Variants in CRIPT observed in about 807,000 individuals in gnomAD.
The protein encoded by CRIPT is cysteine-rich PDZ-binding protein.
CRIPT carries 20 observed loss-of-function variants against 16.6 expected under a neutral mutation model. The observed-to-expected ratio is 1.20, with a 90% CI of 0.85 to 1.75. The LOEUF is 1.75. Ranked by LOEUF, CRIPT falls within the 40% of genes most tolerant of loss-of-function variation. The probability of loss-of-function intolerance (pLI) is 0.00; values close to 1 mark genes in which losing one functional copy is unlikely to be tolerated. For missense variants in CRIPT, 133 were observed against 115.3 expected (o/e 1.15, Z -0.70); for synonymous variants, 42 against 37.0 (o/e 1.14, Z -0.49).
In CRIPT at chr2:46,624,232, A is replaced by G; in HGVS notation, c.*5A>G. ...TACAAGCAAACATCTGTCTAGATGT[A>G]TTGATGGAATTTCTGGCTTTCTAAA... On this transcript the variant is annotated 3_prime_UTR_variant, in exon 5 of 5. Transcript: ENST00000238892. 1.3e-6 allele frequency: 2 copies of G among 1,540,432 alleles called. No homozygotes were observed. Among genetic ancestry groups the G allele is most frequent in the African/African-American group, 1.4e-5 (1 of 73,206 alleles).
At position 46,623,796 on chromosome 2, in the gene CRIPT, C is replaced by T; in HGVS notation, c.170C>T (p.Thr57Ile). 2.5e-6 allele frequency: 4 copies of T among 1,608,430 alleles called. No homozygotes were observed. Among genetic ancestry groups the T allele is most frequent in the Non-Finnish European group, 3.4e-6 (4 of 1,176,730 alleles). Reference sequence around the variant, plus strand: ...CCATATGGAAAGAATAAGTTCTCCACTTGTAGAATTTGTAAAAGTTCTGTG... The same window carrying T: ...CCATATGGAAAGAATAAGTTCTCCATTTGTAGAATTTGTAAAAGTTCTGTG... ...FDPYGKNKFS[T>I]CRICKSSVHQ... Residue 57 changes from threonine to isoleucine, a missense_variant, in exon 4 of 5, where the codon ACT becomes ATT. Coordinates refer to ENST00000238892, the MANE Select transcript of CRIPT (RefSeq NM_014171.6).
Position 46,624,154 on chromosome 2 carries a change from T to C in CRIPT, c.242-9T>C. Reference sequence around the variant, plus strand: ...GATTTGATTGATCACATATCTTCTTTTGTTTCAGGCATCTGTGCGATGTGT... The same window carrying C: ...GATTTGATTGATCACATATCTTCTTCTGTTTCAGGCATCTGTGCGATGTGT... On this transcript the variant is annotated splice_polypyrimidine_tract_variant and intron_variant, in intron 4 of 4. Transcript: ENST00000238892. 1 of 1,552,452 alleles carries C rather than the reference T, an allele frequency of 6.4e-7. No individual in the cohort carries two copies. Among genetic ancestry groups the C allele is most frequent in the Non-Finnish European group, 8.7e-7 (1 of 1,143,604 alleles).
chr2:46,619,714 A>G, intron 3 of CRIPT, 33 bp downstream of exon 3: 1 of 1,549,616 alleles, frequency 6.5e-7, no homozygotes, highest in Non-Finnish European at 8.8e-7. Context: ...GGGTCACATA[A>G]ATTTCCTTCT....
At position 46,629,871 on chromosome 2, in the gene CRIPT, T is replaced by C. The variant is rs935276177; in HGVS notation, c.*5644T>C. Among the ~76,000 whole-genome samples, 2 of 152,332 alleles carry C rather than the reference T, an allele frequency of 1.3e-5. No individual in the cohort carries two copies. The highest frequency in any genetic ancestry group is 2.4e-5 in the African/African-American group (1 of 41,576). On this transcript the variant is annotated 3_prime_UTR_variant, in exon 5 of 5. Coordinates refer to ENST00000238892, the MANE Select transcript of CRIPT (RefSeq NM_014171.6). ...CCTCATCAAATCTACCCCTCCTAGG[T>C]TTAGCATCCTTTGACGATTCTTGTC... is the stretch of plus-strand genomic sequence containing the variant.
At chr2:46,618,193 CT>C (rs1293624643) in intron 1 of CRIPT, among the ~76,000 whole-genome samples, 1 of 151,592 alleles carries the variant, frequency 6.6e-6, no homozygotes, top group Non-Finnish European at 1.5e-5. Flanking sequence ...GATTATTATA[CT>C]TTTTATTTTT....
chr2:46,628,907 G>T lies in CRIPT; in HGVS notation c.*4680G>T, dbSNP rs951925560. Among the ~76,000 whole-genome samples the T allele has an allele frequency of 3.9e-5, 6 of 152,128 alleles. No individual in the cohort carries two copies. Among genetic ancestry groups the T allele is most frequent in the African/African-American group, 1.4e-4 (6 of 41,428 alleles). ...CAGAGTTGAAAAATGCAGAAAAAAA[G>T]TTTAAAAACAAGGAATTAAAGCCAA... On this transcript the variant is annotated 3_prime_UTR_variant, in exon 5 of 5. Coordinates refer to ENST00000238892, the MANE Select transcript of CRIPT (RefSeq NM_014171.6).
At chr2:46,617,410 T>C (rs1390309898) in intron 1 of CRIPT, 112 bp downstream of exon 1, 16 of 1,221,020 alleles carry the variant, frequency 1.3e-5, no homozygotes, top group Non-Finnish European at 1.8e-5. Context: ...TCTCAGATTC[T>C]ATCCGCTGTC....
At chr2:46,623,334 A>G (rs1434476446) in intron 3 of CRIPT, among the ~76,000 whole-genome samples, 1 of 152,092 alleles carries the variant, frequency 6.6e-6, no homozygotes, top group East Asian at 1.9e-4. Context: ...TTTCCTAGTG[A>G]TTTTCCCCCA....
chr2:46,617,803 A>G (rs1670702616), intron 1 of CRIPT, among the ~76,000 whole-genome samples: 1 of 152,040 alleles, frequency 6.6e-6, no homozygotes, highest in Non-Finnish European at 1.5e-5. Context: ...TTATTTCCCT[A>G]ACTTAAAACC....
intron 3 of CRIPT, among the ~76,000 whole-genome samples, chr2:46,622,681 C>T (rs1028759934): frequency 2.0e-5 from 3 of 151,888 alleles, no homozygotes; most frequent in South Asian, 2.1e-4. Flanking sequence ...GGCGTGGTAG[C>T]GCATGCCTGT....
rs1196372620 is a variant in CRIPT, at chr2:46,628,513, C to G, written c.*4286C>G. On this transcript the variant is annotated 3_prime_UTR_variant, in exon 5 of 5. Transcript: ENST00000238892. ...TATGGCCATTTTAATGATATTGATT[C>G]TTCTAGCTCATGAGCTTGGAATGTT... Among the ~76,000 whole-genome samples the G allele has an allele frequency of 6.6e-6, 1 of 152,206 alleles. No individual in the cohort carries two copies. Among genetic ancestry groups the G allele is most frequent in the Non-Finnish European group, 1.5e-5 (1 of 68,036 alleles).
chr2:46,619,523 G>T, intron 2 of CRIPT, 104 bp from the exon 3 acceptor site: 1 of 651,134 alleles, frequency 1.5e-6, no homozygotes, highest in Non-Finnish European at 2.5e-6. Context: ...TTAAAAATTA[G>T]ATATAGACTA....
chr2:46,624,042 T>TATATA (rs199927517), intron 4 of CRIPT, 121 bp from the exon 5 acceptor site: 43 of 190,582 alleles, frequency 2.3e-4, no homozygotes, highest in African/African-American at 1.1e-3. Flanking sequence ...TATATATATA[T>TATATA]TTTTTTTTTC....
In CRIPT at chr2:46,628,557, A is replaced by T. The variant is rs906243026; in HGVS notation, c.*4330A>T. 6.6e-6 allele frequency among the ~76,000 whole-genome samples: 1 copy of T among 152,160 alleles called. No individual in the cohort carries two copies. Among genetic ancestry groups the T allele is most frequent in the Non-Finnish European group, 1.5e-5 (1 of 68,038 alleles). On this transcript the variant is annotated 3_prime_UTR_variant, in exon 5 of 5. Coordinates refer to ENST00000238892, the MANE Select transcript of CRIPT (RefSeq NM_014171.6). ...GAATGTTTTTCCATTTGTTTGTGTC[A>T]TCTCTGATTTCTTTCAGCGTGTTTT...
At chr2:46,622,806 C>T (rs983156446) in intron 3 of CRIPT, among the ~76,000 whole-genome samples, 16 of 150,418 alleles carry the variant, frequency 1.1e-4, no homozygotes, top group African/African-American at 3.9e-4. Flanking sequence ...GAGTGAGATT[C>T]AGTCTCAAAA....
chr2:46,625,915 T>A lies in CRIPT; in HGVS notation c.*1688T>A. 6.6e-6 allele frequency among the ~76,000 whole-genome samples: 1 copy of A among 152,144 alleles called. No individual in the cohort carries two copies. The highest frequency in any genetic ancestry group is 2.1e-4 in the South Asian group (1 of 4,830). ...GAATCTGGACTTGCCTAACTCACAT[T>A]TCATTTTTTTTGTTGTTGTTGTTGT... On this transcript the variant is annotated 3_prime_UTR_variant, in exon 5 of 5. Coordinates refer to ENST00000238892, the MANE Select transcript of CRIPT (RefSeq NM_014171.6).
rs1176239640 is a variant in CRIPT, at chr2:46,628,704, A to G, written c.*4477A>G. Among the ~76,000 whole-genome samples the G allele has an allele frequency of 6.6e-6, 1 of 152,180 alleles. No individual in the cohort carries two copies. Among genetic ancestry groups the G allele is most frequent in the Non-Finnish European group, 1.5e-5 (1 of 68,030 alleles). ...GATTTTTGTTGTATTGTACCTCAGA[A>G]CCATCTCCATATTCTCTAAATAATA... On this transcript the variant is annotated 3_prime_UTR_variant, in exon 5 of 5. Transcript: ENST00000238892.
At chr2:46,619,550 T>C (rs1450365559) in intron 2 of CRIPT, 77 bp from the exon 3 acceptor site, 1 of 970,688 alleles carries the variant, frequency 1.0e-6, no homozygotes. Context: ...TGGTAGAAAG[T>C]CAAGGAATGA....
At chr2:46,618,055 T>C (rs145564464) in intron 1 of CRIPT, among the ~76,000 whole-genome samples, 101 of 150,806 alleles carry the variant, frequency 6.7e-4, no homozygotes, top group African/African-American at 2.4e-3. Context: ...TACTCCTTTT[T>C]GTTCACAGTC....
Sources: gnomAD v4.1 joint callset for allele counts (sites outside exome capture counted in the v4.1 genomes callset) on GRCh38, gnomAD v4.1.1 for gene constraint, MANE v1.5 for transcripts, NCBI Gene and HGNC (gene_info 2026-07-23, HGNC 2026-07-21) for gene names.